Variants in SMYD3 observed in about 807,000 individuals in gnomAD.
The protein encoded by SMYD3 is histone-lysine N-methyltransferase SMYD3.
In SMYD3, 36 loss-of-function variants were observed where a neutral mutation model predicts 57.7. The observed-to-expected ratio is 0.62, with a 90% CI of 0.48 to 0.82. SMYD3 has a LOEUF of 0.82. Ranked by LOEUF, SMYD3 falls within the 40% of genes least tolerant of loss-of-function variation. The pLI is 0.00. For synonymous variants in SMYD3, 211 were observed against 195.0 expected, an observed-to-expected ratio of 1.08 and a Z score of -0.68; for missense variants, 515 against 538.8, an observed-to-expected ratio of 0.96 and a Z score of 0.44.
intron 5 of SMYD3, among the ~76,000 whole-genome samples, chr1:246,305,051 G>A (rs1480974472): frequency 6.6e-6 from 1 of 152,142 alleles, no homozygotes; most frequent in African/African-American, 2.4e-5. Context: ...CGATTACTTG[G>A]AATAAGGAGC....
chr1:246,082,560 C>G (rs1462907323), intron 5 of SMYD3, among the ~76,000 whole-genome samples: 5 of 152,178 alleles, frequency 3.3e-5, no homozygotes, highest in African/African-American at 1.2e-4. Context: ...TCCATAAAAA[C>G]CCCAGCTTCT....
chr1:246,409,357 G>A (rs1191466326), intron 1 of SMYD3, among the ~76,000 whole-genome samples: 1 of 152,136 alleles, frequency 6.6e-6, no homozygotes, highest in Non-Finnish European at 1.5e-5. Flanking sequence ...TTTGTATAAG[G>A]TGTAAGGAAG....
intron 5 of SMYD3, among the ~76,000 whole-genome samples, chr1:245,944,280 A>C (rs2057361043): frequency 6.6e-6 from 1 of 152,192 alleles, no homozygotes; most frequent in Admixed American, 6.5e-5. Context: ...CTGATGAGCA[A>C]CTTCAGCAAA....
chr1:246,376,312 G>C (rs988413279), intron 1 of SMYD3, among the ~76,000 whole-genome samples: 1 of 151,896 alleles, frequency 6.6e-6, no homozygotes, highest in Admixed American at 6.6e-5. Context: ...AAACAAGCAG[G>C]GCACAGTAGC....
At chr1:246,157,293 G>A (rs760739090) in intron 5 of SMYD3, among the ~76,000 whole-genome samples, 16 of 152,178 alleles carry the variant, frequency 1.1e-4, no homozygotes, top group Non-Finnish European at 2.1e-4. Flanking sequence ...CACTGAGGCA[G>A]AGCGATAATT....
intron 1 of SMYD3, among the ~76,000 whole-genome samples, chr1:246,408,532 A>G (rs1164051750): frequency 6.6e-6 from 1 of 152,138 alleles, no homozygotes; most frequent in Non-Finnish European, 1.5e-5. Flanking sequence ...TGTCCTTAAC[A>G]CCAGCTTTCT....
intron 8 of SMYD3, among the ~76,000 whole-genome samples, chr1:245,903,374 T>A (rs1417976119): frequency 6.6e-6 from 1 of 152,046 alleles, no homozygotes; most frequent in East Asian, 1.9e-4. Flanking sequence ...ATACCGAAAT[T>A]TCCAAAAGGA....
At chr1:245,843,540 A>ATGTGTGTGTGTG (rs10531765) in intron 10 of SMYD3, among the ~76,000 whole-genome samples, 1 of 149,550 alleles carries the variant, frequency 6.7e-6, no homozygotes, top group Non-Finnish European at 1.5e-5. Context: ...GTATATATAT[A>ATGTGTGTGTGTG]TGTGTGTGTG....
At chr1:246,236,721 A>T (rs936570196) in intron 5 of SMYD3, among the ~76,000 whole-genome samples, 4 of 152,146 alleles carry the variant, frequency 2.6e-5, no homozygotes, top group Non-Finnish European at 5.9e-5. Flanking sequence ...TATGTTGCCC[A>T]GGCTTGTCTC....
At chr1:246,109,249 G>T (rs959111413) in intron 5 of SMYD3, among the ~76,000 whole-genome samples, 1 of 152,136 alleles carries the variant, frequency 6.6e-6, no homozygotes, top group Non-Finnish European at 1.5e-5. Context: ...TGTTACAAAC[G>T]TAAAATTATG....
chr1:245,776,365 TAAAA>T (rs200386954), intron 10 of SMYD3, among the ~76,000 whole-genome samples: 1 of 151,768 alleles, frequency 6.6e-6, no homozygotes, highest in Non-Finnish European at 1.5e-5. Flanking sequence ...GCATTGTCGT[TAAAA>T]AAAACCCATA....
At chr1:246,191,922 T>C (rs2062745032) in intron 5 of SMYD3, among the ~76,000 whole-genome samples, 1 of 152,204 alleles carries the variant, frequency 6.6e-6, no homozygotes, top group African/African-American at 2.4e-5. Context: ...AGCAATCGGT[T>C]ATTCTGATGC....
chr1:246,096,392 A>G (rs906254560), intron 5 of SMYD3: 15 of 152,220 alleles, frequency 9.9e-5, no homozygotes, highest in African/African-American at 3.6e-4. Flanking sequence ...AGACAGTCTC[A>G]TTACCTACTT....
At chr1:245,763,739 GC>G in intron 11 of SMYD3, among the ~76,000 whole-genome samples, 1 of 152,312 alleles carries the variant, frequency 6.6e-6, no homozygotes, top group East Asian at 1.9e-4. Context: ...GGGCACAGGA[GC>G]AGTGGTGTTC....
chr1:245,862,611 T>C (rs528876049), intron 9 of SMYD3, among the ~76,000 whole-genome samples: 30 of 132,870 alleles, frequency 2.3e-4, no homozygotes, highest in Non-Finnish European at 4.4e-4. Context: ...ATTCGAGGTA[T>C]GGAATTATGC....
intron 8 of SMYD3, among the ~76,000 whole-genome samples, chr1:245,869,543 T>C (rs1200969366): frequency 1.3e-5 from 2 of 152,220 alleles, no homozygotes; most frequent in African/African-American, 2.4e-5. Flanking sequence ...TTCAAAAGCC[T>C]GTCTTTATTT....
intron 1 of SMYD3, among the ~76,000 whole-genome samples, chr1:246,467,781 C>T (rs1222373560): frequency 6.6e-6 from 1 of 152,190 alleles, no homozygotes; most frequent in East Asian, 1.9e-4. Context: ...ATTATTCTGA[C>T]AGCAAAACCA....
chr1:245,832,391 T>G (rs1392774536), intron 10 of SMYD3, among the ~76,000 whole-genome samples: 1 of 152,172 alleles, frequency 6.6e-6, no homozygotes, highest in Non-Finnish European at 1.5e-5. Context: ...CCATGGGCAG[T>G]TAAGTTTGGG....
At chr1:246,435,325 TA>T (rs1223229776) in intron 1 of SMYD3, among the ~76,000 whole-genome samples, 1 of 151,770 alleles carries the variant, frequency 6.6e-6, no homozygotes, top group Non-Finnish European at 1.5e-5. Context: ...AAGTTGAAAT[TA>T]TTTTTTTTTA....
Sources: allele counts gnomAD v4.1 joint callset (sites outside exome capture counted in the v4.1 genomes callset), GRCh38; gene constraint gnomAD v4.1.1; transcripts MANE v1.5; gene names NCBI Gene and HGNC (gene_info 2026-07-23, HGNC 2026-07-21).